SEMA6D: variants seen among roughly 807,000 people sequenced by gnomAD.
The protein encoded by SEMA6D is semaphorin 6D, also known as semaphorin-6D.
Under a neutral mutation model 106.6 loss-of-function variants are expected in SEMA6D, and 35 were observed. The ratio of observed to expected loss-of-function variants is 0.33; its 90% CI spans 0.25 to 0.44. The LOEUF (loss-of-function observed/expected upper bound fraction) is 0.44. SEMA6D is among the 20% of genes least tolerant of loss of function. The pLI, the probability that SEMA6D is intolerant of heterozygous loss-of-function variation, is 1.00. For missense variants in SEMA6D, 1,185 were observed against 1,345.9 expected (o/e 0.88, Z 1.87); for synonymous variants, 499 against 487.7 (o/e 1.02, Z -0.31).
At chr15:47,469,323 T>TGTGTGTGC (rs2042760916) in intron 2 of SEMA6D, among the ~76,000 whole-genome samples, 1 of 150,468 alleles carries the variant, frequency 6.6e-6, no homozygotes, top group African/African-American at 2.5e-5. Context: ...TGTGTGTGTG[T>TGTGTGTGC]GTATGTGCAC....
intron 1 of SEMA6D, among the ~76,000 whole-genome samples, chr15:47,330,330 G>T (rs1031286305): frequency 1.3e-5 from 2 of 152,140 alleles, no homozygotes; most frequent in Non-Finnish European, 2.9e-5. Flanking sequence ...CTTGGGTAAG[G>T]CATTCACAGA....
chr15:47,410,654 C>A (rs1041638054), intron 1 of SEMA6D, among the ~76,000 whole-genome samples: 1 of 152,048 alleles, frequency 6.6e-6, no homozygotes, highest in Non-Finnish European at 1.5e-5. Flanking sequence ...TTAAAATGAC[C>A]TGTTCTTCTT....
intron 1 of SEMA6D, among the ~76,000 whole-genome samples, chr15:47,734,815 G>A (rs969154287): frequency 3.9e-5 from 6 of 152,094 alleles, no homozygotes; most frequent in Non-Finnish European, 8.8e-5. Context: ...GGGAATTATG[G>A]GACCAAAATA....
intron 1 of SEMA6D, among the ~76,000 whole-genome samples, chr15:47,731,470 A>G (rs1306822658): frequency 6.6e-6 from 1 of 152,158 alleles, no homozygotes; most frequent in African/African-American, 2.4e-5. Context: ...GCCTTCATAG[A>G]TTGGCAAAGT....
chr15:47,228,163 CAT>C (rs1555407474), intron 1 of SEMA6D, among the ~76,000 whole-genome samples: 2,743 of 136,796 alleles, frequency 0.02, 85 homozygotes, highest in African/African-American at 0.069. Flanking sequence ...CACACACACA[CAT>C]ATATATATAA....
At chr15:47,205,580 A>G (rs1046014830) in intron 1 of SEMA6D, among the ~76,000 whole-genome samples, 4 of 152,186 alleles carry the variant, frequency 2.6e-5, no homozygotes, top group African/African-American at 4.8e-5. Flanking sequence ...AATGATTACT[A>G]TCAAATATAG....
At chr15:47,615,528 T>C (rs941546761) in intron 4 of SEMA6D, among the ~76,000 whole-genome samples, 1 of 152,234 alleles carries the variant, frequency 6.6e-6, no homozygotes, top group Non-Finnish European at 1.5e-5. Context: ...CGAAACTGTC[T>C]TCTTGTGTTT....
chr15:47,647,120 C>G (rs1444388916), intron 4 of SEMA6D, among the ~76,000 whole-genome samples: 1 of 152,170 alleles, frequency 6.6e-6, no homozygotes, highest in African/African-American at 2.4e-5. Flanking sequence ...GACAAAGCAA[C>G]ATAGTTTGGC....
intron 2 of SEMA6D, among the ~76,000 whole-genome samples, chr15:47,415,736 G>A (rs989765179): frequency 6.6e-6 from 1 of 152,128 alleles, no homozygotes; most frequent in Admixed American, 6.5e-5. Context: ...GTTGGGGGTG[G>A]GGGGAAATGT....
At chr15:47,199,534 T>C (rs1048862473) in intron 1 of SEMA6D, among the ~76,000 whole-genome samples, 7 of 152,182 alleles carry the variant, frequency 4.6e-5, no homozygotes, top group Admixed American at 1.3e-4. Context: ...TCTAAGTGGA[T>C]ATGTACATGG....
intron 2 of SEMA6D, among the ~76,000 whole-genome samples, chr15:47,431,558 C>A (rs1282346980): frequency 2.0e-5 from 3 of 152,112 alleles, no homozygotes; most frequent in Non-Finnish European, 4.4e-5. Context: ...TCTTGGTAGA[C>A]ATAGATGGAG....
At chr15:47,279,817 G>T (rs947198378) in intron 1 of SEMA6D, among the ~76,000 whole-genome samples, 44 of 150,670 alleles carry the variant, frequency 2.9e-4, no homozygotes, top group African/African-American at 1.1e-3. Context: ...CTGTTTATAT[G>T]CTGGATTACA....
upstream of SEMA6D, among the ~76,000 whole-genome samples, chr15:47,716,244 G>A (rs1188955548): frequency 6.6e-6 from 1 of 152,114 alleles, no homozygotes. Flanking sequence ...CTTTCCTTGG[G>A]TTACACAGTG....
chr15:47,667,455 A>G (rs576745485), intron 4 of SEMA6D, among the ~76,000 whole-genome samples: 1 of 152,348 alleles, frequency 6.6e-6, no homozygotes, highest in East Asian at 1.9e-4. Flanking sequence ...CATTCTGATA[A>G]GAGGTACTGA....
In SEMA6D at chr15:47,624,456, T is replaced by C. The variant is rs75361260; in HGVS notation, c.-55+23560T>C. On this transcript the variant is annotated intron_variant, in intron 4 of 19. Coordinates refer to the SEMA6D transcript ENST00000558014. ...TACCTCTGTGAAAAACTTACAAATA[T>C]AGTCATCCAATTTGTACATAATGTG... Among the ~76,000 whole-genome samples the C allele has an allele frequency of 4.1e-4, 62 of 152,320 alleles. 3 individuals carry two copies. The East Asian group carries it at 0.01, about 26-fold the overall frequency.
chr15:47,532,589 G>T (rs1005742472), intron 3 of SEMA6D, among the ~76,000 whole-genome samples: 1 of 152,098 alleles, frequency 6.6e-6, no homozygotes, highest in Non-Finnish European at 1.5e-5. Flanking sequence ...TTTTCATTCT[G>T]GGTCTCTCAG....
At chr15:47,282,651 A>G (rs1019724078) in intron 1 of SEMA6D, among the ~76,000 whole-genome samples, 2 of 152,108 alleles carry the variant, frequency 1.3e-5, no homozygotes, top group African/African-American at 2.4e-5. Flanking sequence ...TTTTATTTCA[A>G]AGCCACTCAA....
At chr15:47,562,577 T>C (rs2046112248) in intron 3 of SEMA6D, among the ~76,000 whole-genome samples, 1 of 152,052 alleles carries the variant, frequency 6.6e-6, no homozygotes, top group Admixed American at 6.5e-5. Context: ...AAGACATCTA[T>C]ATGGCCATAA....
chr15:47,669,778 G>A (rs1040117276), intron 4 of SEMA6D, among the ~76,000 whole-genome samples: 24 of 152,228 alleles, frequency 1.6e-4, no homozygotes, highest in African/African-American at 5.8e-4. Context: ...ATCTGTGCTC[G>A]ATCACATCCC....
Sources: allele counts gnomAD v4.1 joint callset (sites outside exome capture counted in the v4.1 genomes callset), GRCh38; gene constraint gnomAD v4.1.1; transcripts MANE v1.5; gene names NCBI Gene and HGNC (gene_info 2026-07-23, HGNC 2026-07-21).